Variants in ZNF385D observed in about 807,000 individuals in gnomAD.
ZNF385D encodes zinc finger protein 385D.
A neutral mutation model predicts 35.8 loss-of-function variants in ZNF385D; 15 were observed. The observed-to-expected ratio is 0.42, with a 90% confidence interval of 0.28 to 0.64. The LOEUF (loss-of-function observed/expected upper bound fraction) is 0.64, where lower values mean the gene tolerates loss of function less well. Among genes scored for constraint, ZNF385D ranks in the 30% least tolerant of loss-of-function variants. The probability of loss-of-function intolerance (pLI) is 0.23; values close to 1 mark genes in which losing one functional copy is unlikely to be tolerated. For missense variants in ZNF385D, 474 were observed against 494.6 expected (o/e 0.96, Z 0.39); for synonymous variants, 212 against 186.8 (o/e 1.13, Z -1.10).
chr3:22,038,137 T>G (rs976593014), intron 3 of ZNF385D, among the ~76,000 whole-genome samples: 5 of 152,134 alleles, frequency 3.3e-5, no homozygotes, highest in African/African-American at 1.2e-4. Flanking sequence ...CTGGGTTTAT[T>G]TGGCACCAAC....
chr3:22,165,098 T>C (rs1477834067), intron 3 of ZNF385D, among the ~76,000 whole-genome samples: 1 of 152,162 alleles, frequency 6.6e-6, no homozygotes, highest in Non-Finnish European at 1.5e-5. Context: ...TCATTACACA[T>C]TTTGTAAACC....
At chr3:21,924,725 C>T (rs1164871298) in intron 3 of ZNF385D, among the ~76,000 whole-genome samples, 1 of 152,034 alleles carries the variant, frequency 6.6e-6, no homozygotes. Flanking sequence ...CAAGTGGGGG[C>T]AGTAATAAGA....
chr3:21,979,323 C>T (rs1694269153), intron 3 of ZNF385D, among the ~76,000 whole-genome samples: 1 of 152,140 alleles, frequency 6.6e-6, no homozygotes, highest in East Asian at 1.9e-4. Context: ...CACTATTAAT[C>T]ATAACCATAT....
chr3:22,145,068 A>G (rs896187295), intron 3 of ZNF385D, among the ~76,000 whole-genome samples: 4 of 151,876 alleles, frequency 2.6e-5, no homozygotes, highest in African/African-American at 9.7e-5. Flanking sequence ...GTGATACTAC[A>G]TACTTATCAG....
At chr3:21,714,412 C>T (rs1442642675) in intron 1 of ZNF385D, among the ~76,000 whole-genome samples, 1 of 152,178 alleles carries the variant, frequency 6.6e-6, no homozygotes, top group African/African-American at 2.4e-5. Flanking sequence ...ACTTCTGAGC[C>T]TCACTAAAGA....
intron 2 of ZNF385D, among the ~76,000 whole-genome samples, chr3:22,241,001 T>C (rs750815957): frequency 4.0e-5 from 6 of 151,184 alleles, no homozygotes; most frequent in East Asian, 3.9e-4. Flanking sequence ...CACAATCCCA[T>C]GCACAGTTTA....
intron 3 of ZNF385D, among the ~76,000 whole-genome samples, chr3:22,142,306 G>A (rs1265056263): frequency 2.0e-5 from 3 of 152,038 alleles, no homozygotes; most frequent in Non-Finnish European, 2.9e-5. Context: ...TAGATTTTGG[G>A]AGATTCATTT....
intron 1 of ZNF385D, among the ~76,000 whole-genome samples, chr3:21,708,471 C>T (rs2125405819): frequency 6.6e-6 from 1 of 152,292 alleles, no homozygotes; most frequent in East Asian, 1.9e-4. Context: ...TTATTCCCTC[C>T]TCCTATAATT....
At chr3:21,800,691 T>C (rs1469130447) in intron 3 of ZNF385D, among the ~76,000 whole-genome samples, 2 of 152,198 alleles carry the variant, frequency 1.3e-5, no homozygotes, top group Non-Finnish European at 2.9e-5. Flanking sequence ...TCTAAGTTCC[T>C]CTTTGAATTG....
At chr3:22,251,315 A>T (rs140119917) in intron 2 of ZNF385D, among the ~76,000 whole-genome samples, 1 of 152,148 alleles carries the variant, frequency 6.6e-6, no homozygotes, top group Non-Finnish European at 1.5e-5. Context: ...TTTAAGTTCT[A>T]TAAGAGGCGT....
intron 2 of ZNF385D, among the ~76,000 whole-genome samples, chr3:22,365,194 T>A (rs1244738325): frequency 6.6e-6 from 1 of 152,034 alleles, no homozygotes; most frequent in Admixed American, 6.6e-5. Context: ...CACAACAATA[T>A]GAATGTACAC....
intron 5 of ZNF385D, among the ~76,000 whole-genome samples, chr3:21,433,330 C>T (rs1575135766): frequency 6.6e-6 from 1 of 152,124 alleles, no homozygotes; most frequent in African/African-American, 2.4e-5. Context: ...ATACTTAATG[C>T]TACAGACCCT....
chr3:21,522,068 G>T (rs1707942776), intron 3 of ZNF385D, among the ~76,000 whole-genome samples: 1 of 152,098 alleles, frequency 6.6e-6, no homozygotes, highest in South Asian at 2.1e-4. Flanking sequence ...TCAATTCGGT[G>T]CCCTGGCTGA....
In ZNF385D at chr3:22,230,730, C is replaced by T. The variant is rs139904213; in HGVS notation, c.107-61695G>A. ...GGCTTTATACAAGGAAAAATTTGGCCGGTTTTCATAAAATCCAGAAAAGTT... is the reference window on the plus strand; with the variant it reads ...GGCTTTATACAAGGAAAAATTTGGCTGGTTTTCATAAAATCCAGAAAAGTT... On this transcript the variant is annotated intron_variant, in intron 2 of 5. Transcript: ENST00000494108. Among the ~76,000 whole-genome samples the T allele has an allele frequency of 9.4e-3, 1,435 of 152,118 alleles. 15 individuals carry two copies. The highest frequency in any genetic ancestry group is 0.016 in the Non-Finnish European group (1,084 of 68,002).
chr3:21,808,539 C>A (rs957235190), intron 3 of ZNF385D, among the ~76,000 whole-genome samples: 2 of 152,222 alleles, frequency 1.3e-5, no homozygotes, highest in Non-Finnish European at 2.9e-5. Flanking sequence ...ACGCTGTTGA[C>A]CCTCTTTGCC....
intron 2 of ZNF385D, among the ~76,000 whole-genome samples, chr3:22,181,762 T>A (rs965930062): frequency 6.6e-6 from 1 of 151,962 alleles, no homozygotes; most frequent in Non-Finnish European, 1.5e-5. Context: ...TGGGATTATG[T>A]TACAAAAAGA....
At chr3:21,913,896 G>A (rs1013580129) in intron 3 of ZNF385D, among the ~76,000 whole-genome samples, 4 of 152,062 alleles carry the variant, frequency 2.6e-5, no homozygotes, top group Admixed American at 6.6e-5. Flanking sequence ...GGATTTGTTG[G>A]TTGGTTATTT....
chr3:21,525,923 C>G (rs749989341), intron 3 of ZNF385D, among the ~76,000 whole-genome samples: 1 of 152,142 alleles, frequency 6.6e-6, no homozygotes, highest in Non-Finnish European at 1.5e-5. Flanking sequence ...ATTTCCTAAA[C>G]CAGCAAGTGA....
chr3:21,767,719 AGAAAG>A (rs2070893315), intron 3 of ZNF385D, among the ~76,000 whole-genome samples: 1 of 152,014 alleles, frequency 6.6e-6, no homozygotes, highest in Admixed American at 6.6e-5. Context: ...GGATTGAGAG[AGAAAG>A]AAGAGAAAGG....
Sources: allele counts gnomAD v4.1 joint callset (sites outside exome capture counted in the v4.1 genomes callset), GRCh38; gene constraint gnomAD v4.1.1; transcripts MANE v1.5; gene names NCBI Gene and HGNC (gene_info 2026-07-23, HGNC 2026-07-21).